The following AVEN variants were observed in gnomAD, a reference collection of about 807,000 sequenced individuals.
AVEN encodes the protein apoptosis and caspase activation inhibitor.
Under a neutral mutation model 38.1 loss-of-function variants are expected in AVEN, and 41 were observed. The observed-to-expected ratio is 1.08, with a 90% confidence interval of 0.84 to 1.40. The LOEUF (loss-of-function observed/expected upper bound fraction) is 1.40, where lower values mean the gene tolerates loss of function less well. AVEN is among the 40% of genes most tolerant of loss of function. The pLI, the probability that AVEN is intolerant of heterozygous loss-of-function variation, is 0.00. For synonymous variants in AVEN, 206 were observed against 171.8 expected, an observed-to-expected ratio of 1.20 and a Z score of -1.56; for missense variants, 605 against 438.8, an observed-to-expected ratio of 1.38 and a Z score of -3.38.
chr15:34,051,715 TATG>T (rs1899930197), intron 5 of AVEN, among the ~76,000 whole-genome samples: 2 of 152,110 alleles, frequency 1.3e-5, no homozygotes, highest in South Asian at 4.1e-4. Flanking sequence ...TAAACACTTC[TATG>T]CACGTAAACT....
intron 2 of AVEN, among the ~76,000 whole-genome samples, chr15:33,879,457 A>G (rs189943653): frequency 0.032 from 4,805 of 151,126 alleles, 144 homozygotes; most frequent in Non-Finnish European, 0.039. Context: ...ATGCTAAATG[A>G]CGAGTTAATG....
At chr15:33,880,301 C>T (rs1249797929) in intron 2 of AVEN, among the ~76,000 whole-genome samples, 1 of 152,076 alleles carries the variant, frequency 6.6e-6, no homozygotes, top group African/African-American at 2.4e-5. Flanking sequence ...GTCAGGGTAA[C>T]ATTTAGGGCT....
At chr15:33,871,142 TCA>T (rs1313982402) in intron 3 of AVEN, 112 bp from the exon 4 acceptor site, 4 of 611,492 alleles carry the variant, frequency 6.5e-6, no homozygotes, top group African/African-American at 5.8e-5. Context: ...TAGGAATAAG[TCA>T]CACCATACAT....
At chr15:33,983,687 G>C (rs1896292947) in intron 2 of AVEN, among the ~76,000 whole-genome samples, 5 of 152,128 alleles carry the variant, frequency 3.3e-5, no homozygotes, top group Admixed American at 2.0e-4. Context: ...ATCGTCTTGA[G>C]TGTGAGCAGG....
intron 2 of AVEN, among the ~76,000 whole-genome samples, chr15:33,947,819 A>C (rs1273162317): frequency 2.6e-5 from 4 of 152,200 alleles, no homozygotes; most frequent in African/African-American, 9.7e-5. Flanking sequence ...GAGTGGTATC[A>C]TCCCTCAGAC....
chr15:33,859,766 T>G, intron 11 of AVEN: 1 of 1,568,788 alleles, frequency 6.4e-7, no homozygotes, highest in Non-Finnish European at 8.7e-7. Context: ...ATGAACAGGG[T>G]TTAATCTAGT....
intron 4 of AVEN, among the ~76,000 whole-genome samples, chr15:33,870,646 G>C (rs148304661): frequency 2.8e-4 from 43 of 152,306 alleles, no homozygotes; most frequent in African/African-American, 9.6e-4. Flanking sequence ...GCCGAACATA[G>C]AGCGTGATGC....
chr15:34,043,774 C>T (rs984388308), upstream of AVEN, among the ~76,000 whole-genome samples: 6 of 152,362 alleles, frequency 3.9e-5, no homozygotes, highest in African/African-American at 9.6e-5. Context: ...CCCTCACTCT[C>T]AGCTGCTGAC....
chr15:33,877,676 C>T (rs937408876), intron 2 of AVEN, among the ~76,000 whole-genome samples: 2 of 152,122 alleles, frequency 1.3e-5, no homozygotes, highest in Non-Finnish European at 2.9e-5. Flanking sequence ...TTAGACTGGT[C>T]ACGGTGTCTC....
chr15:33,958,679 T>C (rs920790865), intron 2 of AVEN, among the ~76,000 whole-genome samples: 2 of 152,154 alleles, frequency 1.3e-5, no homozygotes, highest in Non-Finnish European at 2.9e-5. Context: ...AAATTAACCT[T>C]TGAAACATGC....
At chr15:33,934,211 A>C (rs1301022782) in intron 2 of AVEN, among the ~76,000 whole-genome samples, 2 of 22,998 alleles carry the variant, frequency 8.7e-5, no homozygotes, top group Non-Finnish European at 3.7e-4. Flanking sequence ...CCATCTCTAC[A>C]AAAAAAAAAA....
rs766675064 is a variant in AVEN, at chr15:33,867,611, AGTT to A, written c.854_856del (p.Glu285_Leu286delinsVal). ...TGCATCTAAATTAAGCAACAGATCT[AGTT>A]CTTCTTCCAAATGGTCTCCTGCTGA... is the stretch of plus-strand genomic sequence containing the variant. On this transcript the variant is annotated inframe_deletion, in exon 5 of 6. Coordinates refer to ENST00000306730, the MANE Select transcript of AVEN (RefSeq NM_020371.3). 5 of 1,614,218 alleles carry A rather than the reference AGTT, an allele frequency of 3.1e-6. No homozygotes were observed. Among genetic ancestry groups the A allele is most frequent in the Non-Finnish European group, 4.2e-6 (5 of 1,180,034 alleles).
chr15:33,882,230 T>C (rs1306936093), intron 2 of AVEN, among the ~76,000 whole-genome samples: 1 of 152,168 alleles, frequency 6.6e-6, no homozygotes, highest in African/African-American at 2.4e-5. Context: ...ACTTTATAGA[T>C]AAGAATACCA....
intron 5 of AVEN, among the ~76,000 whole-genome samples, chr15:34,060,019 A>T (rs1480996056): frequency 6.6e-6 from 1 of 152,164 alleles, no homozygotes; most frequent in Admixed American, 6.5e-5. Context: ...GGAGAAAGCG[A>T]TTTCCACAGG....
downstream of AVEN, among the ~76,000 whole-genome samples, chr15:33,855,511 T>G (rs1174869388): frequency 1.3e-5 from 2 of 152,174 alleles, no homozygotes; most frequent in Non-Finnish European, 2.9e-5. Flanking sequence ...GCCGGAGATC[T>G]TTTTAAGGTC....
At position 33,994,115 on chromosome 15, in the gene AVEN, G is replaced by C. The variant is rs560355056; in HGVS notation, c.445+8917C>G. On this transcript the variant is annotated intron_variant, in intron 2 of 5. Coordinates refer to ENST00000306730, the MANE Select transcript of AVEN (RefSeq NM_020371.3). ...ACCGGTCTGTGGCTTGTTAGGAACC[G>C]GGCTGCATAGCAGGAGGTGAGTGGT... Among the ~76,000 whole-genome samples, 7 of 152,318 alleles carry C rather than the reference G, an allele frequency of 4.6e-5. No homozygotes were observed. In the South Asian group the frequency reaches 1.5e-3, roughly 32 times the overall value.
At chr15:34,013,593 T>C (rs1220332271) in intron 1 of AVEN, among the ~76,000 whole-genome samples, 3 of 152,162 alleles carry the variant, frequency 2.0e-5, no homozygotes, top group Admixed American at 2.0e-4. Context: ...GCATTGGGAA[T>C]ACAAAGACCA....
intron 2 of AVEN, among the ~76,000 whole-genome samples, chr15:33,877,880 C>T (rs375137929): frequency 3.3e-4 from 50 of 152,078 alleles, no homozygotes; most frequent in African/African-American, 1.2e-3. Flanking sequence ...ACCCGGGAGG[C>T]GGAGGTTGCA....
At chr15:33,864,117 A>ACTAT, downstream of AVEN, 3 of 1,595,854 alleles carry the variant, frequency 1.9e-6, no homozygotes, top group Admixed American at 1.7e-5. Context: ...AGTATCTAAT[A>ACTAT]CTATCTTTTC....
Sources: gnomAD v4.1 joint callset for allele counts (sites outside exome capture counted in the v4.1 genomes callset) on GRCh38, gnomAD v4.1.1 for gene constraint, MANE v1.5 for transcripts, NCBI Gene and HGNC (gene_info 2026-07-23, HGNC 2026-07-21) for gene names.